PC: variants seen among roughly 807,000 people sequenced by gnomAD.
PC encodes the protein pyruvate carboxylase, also known as pyruvate carboxylase, mitochondrial.
A neutral mutation model predicts 107.8 loss-of-function variants in PC; 46 were observed. The ratio of observed to expected loss-of-function variants is 0.43; its 90% CI spans 0.34 to 0.55. PC has a LOEUF of 0.55. Among genes scored for constraint, PC ranks in the 20% least tolerant of loss-of-function variants. PC has a pLI of 0.04. For missense variants in PC, 1,241 were observed against 1,643.1 expected (o/e 0.76, Z 4.23); for synonymous variants, 662 against 684.7 (o/e 0.97, Z 0.52).
chr11:66,939,163 G>T (rs1385844786), intron 3 of PC, among the ~76,000 whole-genome samples: 2 of 151,328 alleles, frequency 1.3e-5, no homozygotes, highest in African/African-American at 4.9e-5. Context: ...AAAAATATTC[G>T]AAAAAGCAAA....
Position 66,858,306 on chromosome 11 carries a change from G to T in PC, c.1369-4923C>A, listed in dbSNP as rs780855988. Reference sequence around the variant, plus strand: ...CCTTATTGACGCACTGCCCCCAGGCGCCTTCGCCCAGCTCGGTCAGCTCTC... The same window carrying T: ...CCTTATTGACGCACTGCCCCCAGGCTCCTTCGCCCAGCTCGGTCAGCTCTC... On this transcript the variant is annotated intron_variant, in intron 12 of 22. Coordinates refer to ENST00000393960, the MANE Select transcript of PC (RefSeq NM_001040716.2). The surrounding 1 kb of genome is among the most constrained non-coding windows in gnomAD (Gnocchi z 5.9). The T allele has an allele frequency of 6.2e-7, 1 of 1,610,264 alleles. No homozygotes were observed.
At chr11:66,900,282 G>T (rs117978387) in intron 3 of PC, among the ~76,000 whole-genome samples, 1 of 144,550 alleles carries the variant, frequency 6.9e-6, no homozygotes, top group Admixed American at 7.3e-5. Flanking sequence ...CCGGGTTCAC[G>T]TCATTCTCCA....
chr11:66,899,918 A>G (rs1947887823), intron 3 of PC, among the ~76,000 whole-genome samples: 1 of 152,194 alleles, frequency 6.6e-6, no homozygotes, highest in African/African-American at 2.4e-5. Context: ...TAATTTTTGT[A>G]TATGGTATGA....
chr11:66,937,089 C>T (rs1949019107), intron 3 of PC, among the ~76,000 whole-genome samples: 1 of 152,162 alleles, frequency 6.6e-6, no homozygotes, highest in Admixed American at 6.5e-5. Flanking sequence ...AATGATCCAC[C>T]CGTCTGGGCC....
intron 12 of PC, among the ~76,000 whole-genome samples, chr11:66,862,419 G>A (rs1462399741): frequency 6.6e-6 from 1 of 152,236 alleles, no homozygotes; most frequent in Admixed American, 6.5e-5. Flanking sequence ...ACCCTGAGGG[G>A]ACAGCACGGC....
At chr11:66,932,117 G>A (rs1056236589) in intron 3 of PC, among the ~76,000 whole-genome samples, 6 of 152,284 alleles carry the variant, frequency 3.9e-5, no homozygotes, top group South Asian at 2.1e-4. Context: ...TAATTTAACC[G>A]GAAGTGGCCT....
chr11:66,919,956 G>A (rs1948554447), intron 3 of PC: 1 of 152,220 alleles, frequency 6.6e-6, no homozygotes, highest in Admixed American at 6.5e-5. Flanking sequence ...CCAAACTTCT[G>A]CAAATGGCTT....
chr11:66,902,516 CCT>C (rs767904334), intron 3 of PC, among the ~76,000 whole-genome samples: 15 of 152,162 alleles, frequency 9.9e-5, no homozygotes, highest in Non-Finnish European at 1.5e-4. Context: ...CACGTAGACC[CCT>C]GTCTGCCCGT....
At chr11:66,926,416 T>C (rs1193992019) in intron 3 of PC, among the ~76,000 whole-genome samples, 3 of 152,200 alleles carry the variant, frequency 2.0e-5, no homozygotes, top group African/African-American at 7.2e-5. Context: ...TTAAAAAGCT[T>C]ATCAGACTTT....
Position 66,852,677 on chromosome 11 carries a change from C to T in PC, c.1604-17G>A, listed in dbSNP as rs79317761. The T allele has an allele frequency of 1.7e-4, 267 of 1,612,318 alleles. No individual in the cohort carries two copies. The African/African-American group carries it at 3.4e-3, about 20-fold the overall frequency. ...GGGGCGGGCCTAGGGTAGACAGGGGCATTGGTGCCCATCCTGCAGGTGGCA... is the reference window on the plus strand; with the variant it reads ...GGGGCGGGCCTAGGGTAGACAGGGGTATTGGTGCCCATCCTGCAGGTGGCA... On this transcript the variant is annotated splice_polypyrimidine_tract_variant and intron_variant, in intron 14 of 22. Transcript: ENST00000393960. This position sits in a 1 kb window ranked among gnomAD's most constrained non-coding sequence, Gnocchi z 4.7.
intron 3 of PC, among the ~76,000 whole-genome samples, chr11:66,941,153 A>G (rs1949120406): frequency 6.6e-6 from 1 of 151,804 alleles, no homozygotes; most frequent in African/African-American, 2.4e-5. Flanking sequence ...CTACAATGAG[A>G]TATCACCTCA....
intron 12 of PC, chr11:66,859,822 A>G (rs1946129916): frequency 6.3e-7 from 1 of 1,581,054 alleles, no homozygotes; most frequent in African/African-American, 1.3e-5. Flanking sequence ...CTGCAGGCCC[A>G]CGTGCTGGGC....
At chr11:66,874,640 C>A (rs888409929) in intron 3 of PC, among the ~76,000 whole-genome samples, 1 of 152,128 alleles carries the variant, frequency 6.6e-6, no homozygotes, top group African/African-American at 2.4e-5. Flanking sequence ...AAACAGAAAA[C>A]CCCACTAGGG....
chr11:66,887,666 C>T (rs1269303851), intron 3 of PC, among the ~76,000 whole-genome samples: 1 of 152,198 alleles, frequency 6.6e-6, no homozygotes. Context: ...GAAGGGGAGA[C>T]GAGAGAGCCA....
intron 3 of PC, among the ~76,000 whole-genome samples, chr11:66,921,084 C>A (rs1027114677): frequency 6.6e-6 from 1 of 151,434 alleles, no homozygotes; most frequent in African/African-American, 2.4e-5. Context: ...TGGCTGAGGA[C>A]GAAATGCCTT....
At chr11:66,873,622 C>T (rs1332103571) in intron 3 of PC, among the ~76,000 whole-genome samples, 1 of 138,486 alleles carries the variant, frequency 7.2e-6, no homozygotes, top group African/African-American at 2.7e-5. Context: ...TGCAAAGAGG[C>T]TTCAGAGGTT....
At chr11:66,886,733 T>C (rs1418239166) in intron 3 of PC, among the ~76,000 whole-genome samples, 1 of 152,034 alleles carries the variant, frequency 6.6e-6, no homozygotes, top group Non-Finnish European at 1.5e-5. Context: ...GAAGCCAATG[T>C]GGGTAGAAAC....
In PC at chr11:66,911,313, C is replaced by G. The variant is rs549795338; in HGVS notation, c.1-39154G>C. ...CATGGCCCTATCTCTGCTACTGTTA[C>G]CAGTGCTGTGCCAAGAGGCAAGTCA... On this transcript the variant is annotated intron_variant, in intron 3 of 22. Transcript: ENST00000393960. Among the ~76,000 whole-genome samples the G allele has an allele frequency of 4.6e-5, 7 of 152,272 alleles. No homozygotes were observed. The South Asian group carries it at 1.5e-3, about 32-fold the overall frequency.
chr11:66,856,431 G>T (rs899090134), intron 12 of PC, among the ~76,000 whole-genome samples: 1 of 151,918 alleles, frequency 6.6e-6, no homozygotes, highest in East Asian at 1.9e-4. Flanking sequence ...GGCGGGGGCG[G>T]GGCGCCTGCC....
Sources: allele counts gnomAD v4.1 joint callset (sites outside exome capture counted in the v4.1 genomes callset), GRCh38; gene constraint gnomAD v4.1.1; non-coding constraint Gnocchi (gnomAD v3.1); transcripts MANE v1.5; gene names NCBI Gene and HGNC (gene_info 2026-07-23, HGNC 2026-07-21).